SEMA3D: variants seen among roughly 807,000 people sequenced by gnomAD.
SEMA3D encodes semaphorin-3D.
In SEMA3D, 84 loss-of-function variants were observed where a neutral mutation model predicts 100.1. The observed-to-expected ratio is 0.84, with a 90% CI of 0.70 to 1.01. The LOEUF (loss-of-function observed/expected upper bound fraction) is 1.01, where lower values mean the gene tolerates loss of function less well. Ranked by LOEUF, SEMA3D falls within the 50% of genes least tolerant of loss-of-function variation. SEMA3D has a pLI of 0.00. For synonymous variants in SEMA3D, 312 were observed against 320.7 expected (o/e 0.97, Z 0.29); for missense variants, 875 against 934.1 (o/e 0.94, Z 0.82).
At chr7:85,170,479 G>T (rs1057002894) in intron 1 of SEMA3D, among the ~76,000 whole-genome samples, 1 of 151,862 alleles carries the variant, frequency 6.6e-6, no homozygotes, top group East Asian at 1.9e-4. Flanking sequence ...GAATCTCAGG[G>T]AATCTAGGTC....
chr7:85,014,540 A>C (rs1204736540), intron 16 of SEMA3D, among the ~76,000 whole-genome samples: 1 of 151,732 alleles, frequency 6.6e-6, no homozygotes. Flanking sequence ...CAGCAAGGAA[A>C]CCGTTTGTTG....
At chr7:85,226,269 G>A in the SEMA3D span, among the ~76,000 whole-genome samples, 1 of 151,976 alleles carries the variant, frequency 6.6e-6, no homozygotes, top group East Asian at 1.9e-4. Flanking sequence ...AGTTTCAAAT[G>A]AATCTAACAC....
At chr7:85,174,417 G>A (rs1188539263) in intron 1 of SEMA3D, among the ~76,000 whole-genome samples, 1 of 152,090 alleles carries the variant, frequency 6.6e-6, no homozygotes, top group East Asian at 1.9e-4. Flanking sequence ...GGAAATATAG[G>A]AGTGACATAA....
chr7:85,231,573 C>T, the SEMA3D span, among the ~76,000 whole-genome samples: 1 of 151,716 alleles, frequency 6.6e-6, no homozygotes, highest in African/African-American at 2.4e-5. Flanking sequence ...GCCTCAGCCT[C>T]CCCAGTGGCT....
chr7:85,226,496 A>G, the SEMA3D span, among the ~76,000 whole-genome samples: 23 of 152,184 alleles, frequency 1.5e-4, no homozygotes, highest in African/African-American at 5.5e-4. Context: ...TATGGAATTA[A>G]ACTATGAAAG....
chr7:85,143,407 G>T (rs1321519119), intron 2 of SEMA3D: 2 of 162,804 alleles, frequency 1.2e-5, no homozygotes, highest in Non-Finnish European at 2.6e-5. Context: ...AACCTAGATG[G>T]TACAGCCTAC....
At chr7:85,127,162 G>C (rs1218420373) in intron 2 of SEMA3D, among the ~76,000 whole-genome samples, 1 of 152,080 alleles carries the variant, frequency 6.6e-6, no homozygotes, top group Non-Finnish European at 1.5e-5. Flanking sequence ...ACCTCTTTAT[G>C]ATGGCCAATG....
intron 4 of SEMA3D, among the ~76,000 whole-genome samples, chr7:85,086,891 T>A (rs1179838679): frequency 6.6e-6 from 1 of 152,184 alleles, no homozygotes; most frequent in African/African-American, 2.4e-5. Flanking sequence ...ATTGCGTCAC[T>A]ATTAGACAAA....
chr7:85,046,135 T>C (rs995555743), intron 9 of SEMA3D, among the ~76,000 whole-genome samples: 2 of 151,980 alleles, frequency 1.3e-5, no homozygotes, highest in African/African-American at 2.4e-5. Flanking sequence ...TGAATACATA[T>C]ATAATCAGAA....
chr7:85,125,542 G>A (rs1363694024), intron 2 of SEMA3D, among the ~76,000 whole-genome samples: 1 of 152,074 alleles, frequency 6.6e-6, no homozygotes, highest in Non-Finnish European at 1.5e-5. Flanking sequence ...GCCCACGTGT[G>A]CTGAACCTGT....
intron 9 of SEMA3D, among the ~76,000 whole-genome samples, chr7:85,044,971 T>C (rs1245831559): frequency 6.6e-6 from 1 of 152,018 alleles, no homozygotes; most frequent in Admixed American, 6.6e-5. Context: ...GATTAATAGT[T>C]AATAAATAAC....
intron 9 of SEMA3D, among the ~76,000 whole-genome samples, chr7:85,042,706 T>C (rs1157555595): frequency 3.9e-5 from 6 of 152,152 alleles, no homozygotes; most frequent in Non-Finnish European, 7.4e-5. Flanking sequence ...GAAGTCTTTC[T>C]ATGTTGTCCA....
chr7:85,113,094 G>T (rs1050575776), intron 3 of SEMA3D, among the ~76,000 whole-genome samples: 1 of 152,116 alleles, frequency 6.6e-6, no homozygotes, highest in African/African-American at 2.4e-5. Flanking sequence ...ATGATGGCGA[G>T]ATAGAAAATA....
At chr7:85,131,423 T>A (rs1336023076) in intron 2 of SEMA3D, among the ~76,000 whole-genome samples, 1 of 152,056 alleles carries the variant, frequency 6.6e-6, no homozygotes, top group Admixed American at 6.6e-5. Flanking sequence ...CTCATTTAAA[T>A]TAAATCACAT....
At chr7:85,009,911 T>G (rs947986034) in intron 17 of SEMA3D, among the ~76,000 whole-genome samples, 1 of 151,596 alleles carries the variant, frequency 6.6e-6, no homozygotes, top group Non-Finnish European at 1.5e-5. Flanking sequence ...CTCTAGAAAT[T>G]TACATTCTAG....
the SEMA3D span, among the ~76,000 whole-genome samples, chr7:85,244,484 T>C: frequency 2.6e-5 from 4 of 152,178 alleles, no homozygotes; most frequent in African/African-American, 9.7e-5. Context: ...TTATTTTGTT[T>C]ATATACTTAT....
chr7:85,015,785 G>C (rs912643588), intron 15 of SEMA3D, among the ~76,000 whole-genome samples: 3 of 151,746 alleles, frequency 2.0e-5, no homozygotes, highest in African/African-American at 2.4e-5. Context: ...CAAATGAAAG[G>C]CTGCATGATA....
chr7:85,029,075 A>C, intron 12 of SEMA3D: 1 of 544,220 alleles, frequency 1.8e-6, no homozygotes, highest in Non-Finnish European at 3.5e-6. Context: ...ATCAAGTGTG[A>C]TGCTACCATT....
intron 8 of SEMA3D, among the ~76,000 whole-genome samples, chr7:85,060,615 A>G (rs1238332418): frequency 6.6e-6 from 1 of 152,190 alleles, no homozygotes; most frequent in Non-Finnish European, 1.5e-5. Context: ...GGCACTGCCA[A>G]AAGAACATGG....
Sources: allele counts gnomAD v4.1 joint callset (sites outside exome capture counted in the v4.1 genomes callset), GRCh38; gene constraint gnomAD v4.1.1; transcripts MANE v1.5; gene names NCBI Gene and HGNC (gene_info 2026-07-23, HGNC 2026-07-21).